Variants in ACSL1 observed in about 807,000 individuals in gnomAD.
ACSL1 encodes acyl-CoA synthetase long chain family member 1.
ACSL1 carries 41 observed loss-of-function variants against 98.4 expected under a neutral mutation model. That is an observed-to-expected ratio of 0.42 (90% CI 0.32 to 0.54). The LOEUF is 0.54. Among genes scored for constraint, ACSL1 ranks in the 20% least tolerant of loss-of-function variants. The probability of loss-of-function intolerance (pLI) is 0.13; values close to 1 mark genes in which losing one functional copy is unlikely to be tolerated. For synonymous variants in ACSL1, 316 were observed against 322.7 expected (o/e 0.98, Z 0.22); for missense variants, 734 against 883.1 (o/e 0.83, Z 2.14).
intron 5 of ACSL1, 25 bp downstream of exon 5, chr4:184,780,307 A>T: frequency 6.3e-7 from 1 of 1,580,788 alleles, no homozygotes; most frequent in Non-Finnish European, 8.7e-7. Flanking sequence ...AAAATCATGC[A>T]TAGCAAGTAC....
intron 2 of ACSL1, among the ~76,000 whole-genome samples, chr4:184,791,241 T>C (rs1561217771): frequency 6.6e-6 from 1 of 152,200 alleles, no homozygotes; most frequent in Non-Finnish European, 1.5e-5. Context: ...TAGCTGTGAA[T>C]GGGCAGATGG....
intron 4 of ACSL1, among the ~76,000 whole-genome samples, chr4:184,780,986 C>A (rs1383757522): frequency 6.6e-6 from 1 of 150,984 alleles, no homozygotes; most frequent in African/African-American, 2.4e-5. Flanking sequence ...CGCCTATAAT[C>A]CCAGCACTTT....
intron 2 of ACSL1, among the ~76,000 whole-genome samples, chr4:184,800,975 C>T (rs1303341157): frequency 6.6e-6 from 1 of 152,180 alleles, no homozygotes; most frequent in Non-Finnish European, 1.5e-5. Flanking sequence ...ACTTCAGTCT[C>T]CCGAGTAGCT....
intron 12 of ACSL1, 158 bp downstream of exon 12, chr4:184,768,158 A>G: frequency 1.4e-6 from 1 of 718,652 alleles, no homozygotes; most frequent in Non-Finnish European, 2.2e-6. Flanking sequence ...CTGAGAGGTA[A>G]ACGCATTCTA....
intron 15 of ACSL1, 107 bp downstream of exon 15, chr4:184,764,746 T>C (rs1763330753): frequency 4.0e-6 from 4 of 999,264 alleles, no homozygotes; most frequent in Admixed American, 2.9e-5. Flanking sequence ...CATAGCACTT[T>C]TGTTTAAGAT....
At chr4:184,815,447 T>A (rs1579967701) in intron 1 of ACSL1, among the ~76,000 whole-genome samples, 1 of 151,916 alleles carries the variant, frequency 6.6e-6, no homozygotes, top group Non-Finnish European at 1.5e-5. Flanking sequence ...CCAGTGGGTG[T>A]TTAGTTCACA....
At chr4:184,795,951 G>A (rs1481369737) in intron 2 of ACSL1, among the ~76,000 whole-genome samples, 2 of 152,188 alleles carry the variant, frequency 1.3e-5, no homozygotes, top group African/African-American at 2.4e-5. Context: ...TCCCAGCTAT[G>A]CTGGTTAATA....
intron 3 of ACSL1, among the ~76,000 whole-genome samples, chr4:184,785,203 A>AAC (rs1156344657): frequency 3.3e-5 from 5 of 152,212 alleles, no homozygotes; most frequent in African/African-American, 1.2e-4. Flanking sequence ...TTTTACAGAA[A>AAC]ACATATGCCA....
chr4:184,812,739 C>T (rs548706404), intron 1 of ACSL1, among the ~76,000 whole-genome samples: 1 of 152,188 alleles, frequency 6.6e-6, no homozygotes, highest in South Asian at 2.1e-4. Context: ...AAGGCTGCCC[C>T]GGGGGAAGGG....
At position 184,811,232 on chromosome 4, in the gene ACSL1, C is replaced by T. The variant is rs182137832; in HGVS notation, c.-32-7686G>A. On this transcript the variant is annotated intron_variant, in intron 1 of 20. Transcript: ENST00000281455. ...CACGCCATTCTCCCACCTCAGCCTC[C>T]GGAGTAGCTGGAACTTCAGGCACCC... is the stretch of plus-strand genomic sequence containing the variant. 9.9e-5 allele frequency among the ~76,000 whole-genome samples: 15 copies of T among 152,182 alleles called. 1 individual carries two copies. The East Asian group carries it at 2.1e-3, about 22-fold the overall frequency.
At chr4:184,821,184 C>A (rs1773045054) in intron 1 of ACSL1, 1 of 447,050 alleles carries the variant, frequency 2.2e-6, no homozygotes. Flanking sequence ...CAGGCTGTGG[C>A]TACCACCTCG....
intron 7 of ACSL1, among the ~76,000 whole-genome samples, 171 bp from the exon 8 acceptor site, chr4:184,774,046 C>G (rs1764905624): frequency 6.6e-6 from 1 of 152,080 alleles, no homozygotes; most frequent in South Asian, 2.1e-4. Context: ...TTAACCAGAA[C>G]CAAAATATTT....
At chr4:184,779,988 T>G (rs1765966037) in intron 5 of ACSL1, among the ~76,000 whole-genome samples, 1 of 151,992 alleles carries the variant, frequency 6.6e-6, no homozygotes, top group Non-Finnish European at 1.5e-5. Flanking sequence ...TTCTCCTGCC[T>G]CAGCCTCCCG....
intron 5 of ACSL1, among the ~76,000 whole-genome samples, chr4:184,777,355 G>T (rs931910139): frequency 1.4e-4 from 21 of 152,122 alleles, no homozygotes; most frequent in Non-Finnish European, 2.9e-5. Flanking sequence ...CTACTTGAGA[G>T]GCTGAGGCGG....
chr4:184,798,835 G>C (rs1349822856), intron 2 of ACSL1: 1 of 152,312 alleles, frequency 6.6e-6, no homozygotes, highest in African/African-American at 2.4e-5. Context: ...ATGTCACAGG[G>C]GTCCGTACTA....
In ACSL1 at chr4:184,787,585, C is replaced by T. The variant is rs564720668; in HGVS notation, c.310+1032G>A. 5.3e-5 allele frequency among the ~76,000 whole-genome samples: 8 copies of T among 152,220 alleles called. 2 individuals carry two copies. In the South Asian group the frequency reaches 1.0e-3, roughly 20 times the overall value. ...TGATCAAGAAAAAAAAGTGCATGGC[C>T]GGGCATGGTGACTCGCGCCTGTAAT... On this transcript the variant is annotated intron_variant, in intron 3 of 20. Transcript: ENST00000281455.
intron 2 of ACSL1, among the ~76,000 whole-genome samples, chr4:184,794,949 G>A (rs1233942178): frequency 2.6e-5 from 4 of 152,030 alleles, no homozygotes; most frequent in African/African-American, 9.7e-5. Context: ...GAGGGACGGG[G>A]GTAGGGGTAG....
intron 2 of ACSL1, among the ~76,000 whole-genome samples, chr4:184,794,718 C>T (rs1769042449): frequency 6.6e-6 from 1 of 152,148 alleles, no homozygotes; most frequent in Non-Finnish European, 1.5e-5. Flanking sequence ...GTTTGCTTGG[C>T]GGTTCACAGG....
intron 3 of ACSL1, among the ~76,000 whole-genome samples, chr4:184,785,115 G>T (rs1766998124): frequency 6.6e-6 from 1 of 152,194 alleles, no homozygotes; most frequent in Non-Finnish European, 1.5e-5. Flanking sequence ...ATTCATTTTT[G>T]TTCTGTGTGA....
Sources: allele counts gnomAD v4.1 joint callset (sites outside exome capture counted in the v4.1 genomes callset), GRCh38; gene constraint gnomAD v4.1.1; transcripts MANE v1.5; gene names NCBI Gene and HGNC (gene_info 2026-07-23, HGNC 2026-07-21).